Variants in GALNT18 observed in about 807,000 individuals in gnomAD.
The protein encoded by GALNT18 is polypeptide N-acetylgalactosaminyltransferase 18.
Under a neutral mutation model 69.5 loss-of-function variants are expected in GALNT18, and 44 were observed. The ratio of observed to expected loss-of-function variants is 0.63; its 90% CI spans 0.50 to 0.81. The LOEUF is 0.81. Ranked by LOEUF, GALNT18 falls within the 40% of genes least tolerant of loss-of-function variation. The pLI, the probability that GALNT18 is intolerant of heterozygous loss-of-function variation, is 0.00. For missense variants in GALNT18, 715 were observed against 810.0 expected (o/e 0.88, Z 1.42); for synonymous variants, 364 against 318.2 (o/e 1.14, Z -1.53).
At chr11:11,456,453 C>G (rs146779341) in intron 1 of GALNT18, among the ~76,000 whole-genome samples, 1 of 152,180 alleles carries the variant, frequency 6.6e-6, no homozygotes, top group African/African-American at 2.4e-5. Flanking sequence ...ACCTTCCTAG[C>G]GGTGGCAAAC....
intron 1 of GALNT18, among the ~76,000 whole-genome samples, chr11:11,533,801 T>C (rs1005960092): frequency 2.0e-5 from 3 of 152,242 alleles, no homozygotes; most frequent in Non-Finnish European, 4.4e-5. Flanking sequence ...CCCAGTGCCA[T>C]TCCGAGTAGA....
rs187547785 is a variant in GALNT18 at position 11,573,673 on chromosome 11, G to C, written c.235+47686C>G. 1 of 152,308 alleles carries C rather than the reference G, an allele frequency of 6.6e-6. No individual in the cohort carries two copies. The highest frequency in any genetic ancestry group is 2.4e-5 in the African/African-American group (1 of 41,558). The allele number at this position is 152,308 out of a possible 1,614,324, so 9.4% of individuals were successfully genotyped here. A position where few individuals can be genotyped will look rare whatever the true frequency, so the allele number is the denominator to read the frequency against. On this transcript the variant is annotated intron_variant, in intron 1 of 10. Transcript: ENST00000227756. The surrounding 1 kb of genome is among the most constrained non-coding windows in gnomAD (Gnocchi z 4.6). Reference sequence around the variant, plus strand: ...TAGAAAACAGCAGGATCTCCGAGGAGAGAAAGAATTTCTCTCCAGCCAAAA... The same window carrying C: ...TAGAAAACAGCAGGATCTCCGAGGACAGAAAGAATTTCTCTCCAGCCAAAA...
chr11:11,287,922 AATAACCTGCT>A (rs1849223347), intron 10 of GALNT18, among the ~76,000 whole-genome samples: 2 of 152,128 alleles, frequency 1.3e-5, no homozygotes, highest in Non-Finnish European at 2.9e-5. Flanking sequence ...ATCATTGTGT[AATAACCTGCT>A]GAAATGTCTC....
At position 11,591,668 on chromosome 11, in the gene GALNT18, G is replaced by A. The variant is rs1859364539; in HGVS notation, c.235+29691C>T. ...AATGCTCCCTCCTGGGTGAATGTAT[G>A]TGGTTAAAGGAGGCTGAGATAGTAA... On this transcript the variant is annotated intron_variant, in intron 1 of 10. Coordinates refer to ENST00000227756, the MANE Select transcript of GALNT18 (RefSeq NM_198516.3). This position sits in a 1 kb window ranked among gnomAD's most constrained non-coding sequence, Gnocchi z 4.8. Among the ~76,000 whole-genome samples, 1 of 152,192 alleles carries A rather than the reference G, an allele frequency of 6.6e-6. No individual in the cohort carries two copies. The highest frequency in any genetic ancestry group is 1.5e-5 in the Non-Finnish European group (1 of 68,018).
intron 6 of GALNT18, among the ~76,000 whole-genome samples, chr11:11,355,357 G>A (rs1313165632): frequency 3.3e-5 from 5 of 152,126 alleles, no homozygotes; most frequent in African/African-American, 1.2e-4. Flanking sequence ...TTCATATGCT[G>A]AGGCTGTAAC....
At position 11,404,525 on chromosome 11, in the gene GALNT18, T is replaced by C. The variant is rs1854543683; in HGVS notation, c.596-25261A>G. On this transcript the variant is annotated intron_variant, in intron 3 of 10. Coordinates refer to ENST00000227756, the MANE Select transcript of GALNT18 (RefSeq NM_198516.3). This position sits in a 1 kb window ranked among gnomAD's most constrained non-coding sequence, Gnocchi z 4.5. The stretch of plus-strand genomic sequence containing the variant: ...AGGGAGTGAGCCAAACATTCCATGT[T>C]ATAGAAGTAAGGAGAGTCACGTGGG... 6.6e-6 allele frequency among the ~76,000 whole-genome samples: 1 copy of C among 152,112 alleles called. No individual in the cohort carries two copies. The highest frequency in any genetic ancestry group is 1.5e-5 in the Non-Finnish European group (1 of 68,018).
At chr11:11,370,306 GT>G (rs1278850746) in intron 6 of GALNT18, among the ~76,000 whole-genome samples, 1 of 152,210 alleles carries the variant, frequency 6.6e-6, no homozygotes, top group Non-Finnish European at 1.5e-5. Context: ...ATTAGGGCAA[GT>G]GTGCTGCTTT....
At chr11:11,423,836 T>A (rs1855066733) in intron 3 of GALNT18, among the ~76,000 whole-genome samples, 1 of 152,244 alleles carries the variant, frequency 6.6e-6, no homozygotes, top group African/African-American at 2.4e-5. Context: ...CCCTGTTACA[T>A]CAGGTGACAT....
chr11:11,486,384 C>T (rs1457945598), intron 1 of GALNT18, among the ~76,000 whole-genome samples: 3 of 152,050 alleles, frequency 2.0e-5, no homozygotes, highest in Non-Finnish European at 4.4e-5. Flanking sequence ...GTGTGTAAGC[C>T]CCAAGGTCTT....
chr11:11,285,549 A>G (rs1303780053), intron 10 of GALNT18, among the ~76,000 whole-genome samples: 1 of 152,158 alleles, frequency 6.6e-6, no homozygotes, highest in Admixed American at 6.5e-5. Flanking sequence ...ACTTCCATAA[A>G]CCAAAAATAA....
At chr11:11,273,607 T>C (rs149444184) in intron 10 of GALNT18, among the ~76,000 whole-genome samples, 1 of 152,180 alleles carries the variant, frequency 6.6e-6, no homozygotes, top group Non-Finnish European at 1.5e-5. Flanking sequence ...ATGAAAATTA[T>C]TACAGCTACT....
chr11:11,608,609 T>C (rs1427907479), intron 1 of GALNT18, among the ~76,000 whole-genome samples: 1 of 152,116 alleles, frequency 6.6e-6, no homozygotes, highest in Non-Finnish European at 1.5e-5. Context: ...GATCCACCCG[T>C]CTCGGCCTCC....
At chr11:11,401,720 T>G (rs931564425) in intron 3 of GALNT18, among the ~76,000 whole-genome samples, 22 of 152,242 alleles carry the variant, frequency 1.4e-4, no homozygotes, top group Admixed American at 5.2e-4. Flanking sequence ...CAATGCACAT[T>G]CAGCAAACTT....
chr11:11,381,647 G>A (rs1259515888), intron 3 of GALNT18, among the ~76,000 whole-genome samples: 1 of 152,180 alleles, frequency 6.6e-6, no homozygotes, highest in African/African-American at 2.4e-5. Context: ...TGCATTTGCT[G>A]TCTTGCTGCC....
rs1857046712 is a variant in GALNT18 at position 11,505,161 on chromosome 11, A to C, written c.236-56225T>G. Among the ~76,000 whole-genome samples the C allele has an allele frequency of 6.6e-6, 1 of 152,256 alleles. No homozygotes were observed. Among genetic ancestry groups the C allele is most frequent in the African/African-American group, 2.4e-5 (1 of 41,476 alleles). The stretch of plus-strand genomic sequence containing the variant: ...AATGAGTGGAGTTCAGTAGATGAAC[A>C]CAGGGAAAGGATGTTCCAGGCAGAG... On this transcript the variant is annotated intron_variant, in intron 1 of 10. Coordinates refer to ENST00000227756, the MANE Select transcript of GALNT18 (RefSeq NM_198516.3). This position sits in a 1 kb window ranked among gnomAD's most constrained non-coding sequence, Gnocchi z 4.6.
intron 3 of GALNT18, among the ~76,000 whole-genome samples, chr11:11,423,944 G>A (rs1188410056): frequency 1.3e-5 from 2 of 152,194 alleles, no homozygotes; most frequent in East Asian, 3.9e-4. Context: ...TGAGCTGGGG[G>A]CGCCTGGTCA....
At position 11,605,441 on chromosome 11, in the gene GALNT18, G is replaced by A. The variant is rs190717170; in HGVS notation, c.235+15918C>T. Among the ~76,000 whole-genome samples, 12 of 152,220 alleles carry A rather than the reference G, an allele frequency of 7.9e-5. No homozygotes were observed. Among genetic ancestry groups the A allele is most frequent in the East Asian group, 1.9e-4 (1 of 5,174 alleles). On this transcript the variant is annotated intron_variant, in intron 1 of 10. Coordinates refer to ENST00000227756, the MANE Select transcript of GALNT18 (RefSeq NM_198516.3). This position sits in a 1 kb window ranked among gnomAD's most constrained non-coding sequence, Gnocchi z 4.7. ...ACAGCAAGTCCTAACTTGCCAGGCCGCCAGTCACCGCCACCCTGAAGACAC... is the reference window on the plus strand; with the variant it reads ...ACAGCAAGTCCTAACTTGCCAGGCCACCAGTCACCGCCACCCTGAAGACAC...
chr11:11,387,109 G>A lies in GALNT18; in HGVS notation c.596-7845C>T, dbSNP rs1371844604. Among the ~76,000 whole-genome samples, 1 of 152,188 alleles carries A rather than the reference G, an allele frequency of 6.6e-6. No homozygotes were observed. Among genetic ancestry groups the A allele is most frequent in the Non-Finnish European group, 1.5e-5 (1 of 68,030 alleles). On this transcript the variant is annotated intron_variant, in intron 3 of 10. Coordinates refer to ENST00000227756, the MANE Select transcript of GALNT18 (RefSeq NM_198516.3). This position sits in a 1 kb window ranked among gnomAD's most constrained non-coding sequence, Gnocchi z 4.6. The stretch of plus-strand genomic sequence containing the variant: ...CGTGTGGTTCCAGCCCATAACACAA[G>A]GATGTAAATGCAGTCTGAAAACGGC...
At position 11,620,068 on chromosome 11, in the gene GALNT18, G is replaced by T. The variant is rs1374697851; in HGVS notation, c.235+1291C>A. Reference sequence around the variant, plus strand: ...AGACGGAGGAGCCATCTCTACTCTGGCAAGAGCAGCAGGTGCAAGGATTGG... The same window carrying T: ...AGACGGAGGAGCCATCTCTACTCTGTCAAGAGCAGCAGGTGCAAGGATTGG... On this transcript the variant is annotated intron_variant, in intron 1 of 10. Coordinates refer to ENST00000227756, the MANE Select transcript of GALNT18 (RefSeq NM_198516.3). The surrounding 1 kb of genome is among the most constrained non-coding windows in gnomAD (Gnocchi z 6.9). Among the ~76,000 whole-genome samples, 1 of 149,454 alleles carries T rather than the reference G, an allele frequency of 6.7e-6. No homozygotes were observed. Among genetic ancestry groups the T allele is most frequent in the Admixed American group, 6.7e-5 (1 of 15,032 alleles).
Sources: allele counts gnomAD v4.1 joint callset (sites outside exome capture counted in the v4.1 genomes callset), GRCh38; gene constraint gnomAD v4.1.1; non-coding constraint Gnocchi (gnomAD v3.1); transcripts MANE v1.5; gene names NCBI Gene and HGNC (gene_info 2026-07-23, HGNC 2026-07-21).